The following IPO8 variants were observed in gnomAD, a reference collection of about 807,000 sequenced individuals.
IPO8 encodes importin-8.
IPO8 carries 65 observed loss-of-function variants against 141.2 expected under a neutral mutation model. That is an observed-to-expected ratio of 0.46 (90% CI 0.38 to 0.57). IPO8 has a LOEUF of 0.57. Ranked by LOEUF, IPO8 falls within the 20% of genes least tolerant of loss-of-function variation. The pLI is 0.00. For missense variants in IPO8, 980 were observed against 1,246.8 expected (o/e 0.79, Z 3.22); for synonymous variants, 411 against 420.3 (o/e 0.98, Z 0.27).
At chr12:30,660,131 G>T (rs1006094294) in intron 16 of IPO8, among the ~76,000 whole-genome samples, 1 of 152,118 alleles carries the variant, frequency 6.6e-6, no homozygotes, top group Non-Finnish European at 1.5e-5. Flanking sequence ...GCTGAGGCAG[G>T]AGAATTGCTT....
At chr12:30,636,284 A>T (rs2052499120) in intron 22 of IPO8, among the ~76,000 whole-genome samples, 1 of 152,100 alleles carries the variant, frequency 6.6e-6, no homozygotes, top group African/African-American at 2.4e-5. Context: ...GATTTTTCTC[A>T]GCTAACAAAG....
chr12:30,633,179 T>C (rs530489548), intron 23 of IPO8, among the ~76,000 whole-genome samples: 28 of 152,350 alleles, frequency 1.8e-4, no homozygotes, highest in African/African-American at 6.5e-4. Flanking sequence ...GGTAGTTTTT[T>C]CTTCATTAAT....
chr12:30,664,399 T>C (rs1469708007), intron 13 of IPO8, among the ~76,000 whole-genome samples: 1 of 152,276 alleles, frequency 6.6e-6, no homozygotes, highest in Non-Finnish European at 1.5e-5. Flanking sequence ...TTTGTGTTGA[T>C]ATATTTATAA....
At chr12:30,693,033 A>C (rs1474252412) in intron 1 of IPO8, among the ~76,000 whole-genome samples, 1 of 152,258 alleles carries the variant, frequency 6.6e-6, no homozygotes, top group Non-Finnish European at 1.5e-5. Context: ...ATCTTAATAA[A>C]GGGTAATGAA....
At chr12:30,694,907 C>T in intron 1 of IPO8, 1 of 445,764 alleles carries the variant, frequency 2.2e-6, no homozygotes, top group East Asian at 7.1e-5. Flanking sequence ...TTAGGAAGAA[C>T]AGGAGACGGA....
At chr12:30,687,256 A>G (rs1051052119) in intron 2 of IPO8, among the ~76,000 whole-genome samples, 1 of 152,246 alleles carries the variant, frequency 6.6e-6, no homozygotes, top group Admixed American at 6.5e-5. Context: ...ACTTAAATTT[A>G]GGATAGTTAT....
chr12:30,667,361 C>A (rs2052981099), intron 10 of IPO8, among the ~76,000 whole-genome samples: 1 of 152,162 alleles, frequency 6.6e-6, no homozygotes, highest in South Asian at 2.1e-4. Context: ...CACACCCACG[C>A]TATCTTAACA....
At chr12:30,659,301 C>A (rs1432874355) in intron 16 of IPO8, among the ~76,000 whole-genome samples, 1 of 152,032 alleles carries the variant, frequency 6.6e-6, no homozygotes, top group Non-Finnish European at 1.5e-5. Context: ...GACTGCCAGA[C>A]CAACATGGTG....
Position 30,661,031 on chromosome 12 carries a change from A to T in IPO8, c.1881+110T>A, listed in dbSNP as rs1012838490. The T allele has an allele frequency of 2.9e-5, 20 of 696,248 alleles. No homozygotes were observed. In the Middle Eastern group the frequency reaches 1.4e-3, roughly 48 times the overall value. 43.1% of individuals were successfully genotyped at this position (696,248 alleles called of 1,614,324 possible). On this transcript the variant is annotated intron_variant, in intron 16 of 24. Coordinates refer to ENST00000256079, the MANE Select transcript of IPO8 (RefSeq NM_006390.4). ...TGAGGGCAATTTTTAAAGCCTAGCA[A>T]CATAACTAAGTAGCAATTTAAAAGT...
chr12:30,630,675 T>C lies in IPO8; in HGVS notation c.*185A>G, dbSNP rs2052418404. ...TCATACTTACAGTAGCTGTTTAAAA[T>C]ATATATTTCAGGGTGACAAAGGTCA... On this transcript the variant is annotated 3_prime_UTR_variant, in exon 25 of 25. Transcript: ENST00000256079. The C allele has an allele frequency of 1.8e-6, 1 of 556,538 alleles. No homozygotes were observed. The highest frequency in any genetic ancestry group is 3.4e-5 in the Admixed American group (1 of 29,546). The allele number at this position is 556,538 out of a possible 1,614,324, so 34.5% of individuals were successfully genotyped here. A position where few individuals can be genotyped will look rare whatever the true frequency, so the allele number is the denominator to read the frequency against.
intron 5 of IPO8, among the ~76,000 whole-genome samples, chr12:30,680,126 T>A (rs897465257): frequency 6.6e-6 from 1 of 152,160 alleles, no homozygotes; most frequent in Non-Finnish European, 1.5e-5. Flanking sequence ...TCCTTCTTCT[T>A]TTCCTTCTTC....
intron 1 of IPO8, among the ~76,000 whole-genome samples, chr12:30,692,328 T>G (rs2053298332): frequency 6.6e-6 from 1 of 152,240 alleles, no homozygotes; most frequent in Admixed American, 6.5e-5. Context: ...CTCCTCTTTT[T>G]GCAACTGTTT....
chr12:30,641,131 T>G (rs563348826), intron 20 of IPO8, among the ~76,000 whole-genome samples: 2 of 152,264 alleles, frequency 1.3e-5, no homozygotes, highest in African/African-American at 4.8e-5. Context: ...TGGAAGCTGG[T>G]TGGACTACTA....
At chr12:30,689,606 C>A (rs2053272257) in intron 2 of IPO8, among the ~76,000 whole-genome samples, 1 of 152,062 alleles carries the variant, frequency 6.6e-6, no homozygotes, top group South Asian at 2.1e-4. Context: ...ATTCTATGTT[C>A]AAATCAAATT....
At chr12:30,675,613 G>T (rs1591840660) in intron 6 of IPO8, among the ~76,000 whole-genome samples, 1 of 151,532 alleles carries the variant, frequency 6.6e-6, no homozygotes, top group South Asian at 2.1e-4. Context: ...GGATCACGAG[G>T]TCAGGAGATC....
At chr12:30,665,947 A>G (rs1472836454) in intron 11 of IPO8, 102 bp from the exon 12 acceptor site, 21 of 783,252 alleles carry the variant, frequency 2.7e-5, no homozygotes, top group East Asian at 5.1e-5. Context: ...CCATTTTATT[A>G]TGTTTTATCA....
chr12:30,637,952 G>T (rs149644319), intron 21 of IPO8, among the ~76,000 whole-genome samples: 35 of 152,244 alleles, frequency 2.3e-4, no homozygotes, highest in Admixed American at 8.5e-4. Context: ...TATTCTACAG[G>T]CTTCTGTTAT....
intron 4 of IPO8, 64 bp from the exon 5 acceptor site, chr12:30,680,702 A>T (rs1266830921): frequency 1.5e-6 from 2 of 1,300,168 alleles, no homozygotes; most frequent in Non-Finnish European, 1.1e-6. Flanking sequence ...TCAACAATAA[A>T]TTATAAAATA....
Position 30,663,474 on chromosome 12 carries a change from G to C in IPO8, c.1594+15C>G. ...AATTATTTGAGAAGATGTCTAAAAG[G>C]TATTTTGGCTTTACCTTGTATCTGG... On this transcript the variant is annotated intron_variant, in intron 14 of 24. Coordinates refer to ENST00000256079, the MANE Select transcript of IPO8 (RefSeq NM_006390.4). 1 of 1,594,950 alleles carries C rather than the reference G, an allele frequency of 6.3e-7. No individual in the cohort carries two copies. The highest frequency in any genetic ancestry group is 8.5e-7 in the Non-Finnish European group (1 of 1,169,986).
Sources: gnomAD v4.1 joint callset for allele counts (sites outside exome capture counted in the v4.1 genomes callset) on GRCh38, gnomAD v4.1.1 for gene constraint, MANE v1.5 for transcripts, NCBI Gene and HGNC (gene_info 2026-07-23, HGNC 2026-07-21) for gene names.